The following RTN1 variants were observed in gnomAD, a reference collection of about 807,000 sequenced individuals.
The protein encoded by RTN1 is reticulon 1, also known as reticulon-1.
A neutral mutation model predicts 65.5 loss-of-function variants in RTN1; 25 were observed. The ratio of observed to expected loss-of-function variants is 0.38; its 90% confidence interval spans 0.28 to 0.53. The LOEUF (loss-of-function observed/expected upper bound fraction) is 0.53, where lower values mean the gene tolerates loss of function less well. Among genes scored for constraint, RTN1 ranks in the 20% least tolerant of loss-of-function variants. The probability of loss-of-function intolerance (pLI) is 0.79; values close to 1 mark genes in which losing one functional copy is unlikely to be tolerated. For synonymous variants in RTN1, 471 were observed against 447.6 expected, an observed-to-expected ratio of 1.05 and a Z score of -0.66; for missense variants, 983 against 1,025.4, an observed-to-expected ratio of 0.96 and a Z score of 0.57.
chr14:59,822,100 T>C (rs1026977775), intron 1 of RTN1, among the ~76,000 whole-genome samples: 17 of 152,216 alleles, frequency 1.1e-4, no homozygotes, highest in African/African-American at 2.2e-4. Context: ...AACTCTTCTT[T>C]GTATGTCTGG....
chr14:59,666,894 G>T (rs1883387641), intron 3 of RTN1, among the ~76,000 whole-genome samples: 1 of 125,746 alleles, frequency 8.0e-6, no homozygotes, highest in East Asian at 2.6e-4. Flanking sequence ...AAACCAGGAA[G>T]AACTTGAATC....
chr14:59,651,910 CA>C (rs1472080149), intron 3 of RTN1, among the ~76,000 whole-genome samples: 1 of 152,098 alleles, frequency 6.6e-6, no homozygotes, highest in Non-Finnish European at 1.5e-5. Flanking sequence ...AGACAACCTA[CA>C]GAATTGGAGA....
chr14:59,811,036 T>A (rs1886719464), intron 1 of RTN1, among the ~76,000 whole-genome samples: 1 of 152,204 alleles, frequency 6.6e-6, no homozygotes, highest in South Asian at 2.1e-4. Context: ...TAAGTCTTAT[T>A]GAAAATAATT....
intron 3 of RTN1, among the ~76,000 whole-genome samples, chr14:59,678,565 T>C (rs1054595052): frequency 6.6e-6 from 1 of 152,216 alleles, no homozygotes; most frequent in Non-Finnish European, 1.5e-5. Flanking sequence ...TGAAAGCTGG[T>C]TGCTTTTTCC....
chr14:59,680,101 C>T (rs1883714131), intron 3 of RTN1, among the ~76,000 whole-genome samples: 1 of 152,108 alleles, frequency 6.6e-6, no homozygotes, highest in African/African-American at 2.4e-5. Context: ...GTACCTGTTG[C>T]CATGGGAGCT....
chr14:59,850,693 G>A lies in RTN1; in HGVS notation c.241+19697C>T, dbSNP rs77876991. ...CATCCATTCTAAACCACTTGAAGGA[G>A]GTTAGTGGTTATTATGCAAATAACA... On this transcript the variant is annotated intron_variant, in intron 1 of 8. Coordinates refer to ENST00000267484, the MANE Select transcript of RTN1 (RefSeq NM_021136.3). 0.017 allele frequency among the ~76,000 whole-genome samples: 2,592 copies of A among 152,232 alleles called. 105 individuals are homozygous for A. The East Asian group carries it at 0.18, about 11-fold the overall frequency.
intron 3 of RTN1, among the ~76,000 whole-genome samples, chr14:59,697,224 A>T (rs1248494938): frequency 6.6e-6 from 1 of 152,126 alleles, no homozygotes; most frequent in Non-Finnish European, 1.5e-5. Flanking sequence ...TGCATCATTC[A>T]CTTCTCCCAG....
At chr14:59,750,107 AT>A (rs1885422240) in intron 1 of RTN1, among the ~76,000 whole-genome samples, 1 of 57,606 alleles carries the variant, frequency 1.7e-5, no homozygotes, top group Non-Finnish European at 2.6e-5. Context: ...TATATTATAT[AT>A]TATATATAAT....
At chr14:59,847,397 A>G (rs916648546) in intron 1 of RTN1, among the ~76,000 whole-genome samples, 3 of 152,208 alleles carry the variant, frequency 2.0e-5, no homozygotes, top group Non-Finnish European at 4.4e-5. Flanking sequence ...ATGATTAACC[A>G]ATGTTTCCAT....
chr14:59,685,321 A>G (rs1021049126), intron 3 of RTN1, among the ~76,000 whole-genome samples: 4 of 152,200 alleles, frequency 2.6e-5, no homozygotes, highest in Admixed American at 6.5e-5. Flanking sequence ...AGCCAGACCA[A>G]TTAGGAAAAG....
intron 1 of RTN1, among the ~76,000 whole-genome samples, chr14:59,749,228 C>CTATATATATCTA (rs1885315841): frequency 7.8e-5 from 3 of 38,680 alleles, no homozygotes; most frequent in Non-Finnish European, 1.2e-4. Flanking sequence ...ATCTATATAT[C>CTATATATATCTA]TATATATATC....
At chr14:59,662,951 A>G (rs1204515116) in intron 3 of RTN1, among the ~76,000 whole-genome samples, 1 of 152,194 alleles carries the variant, frequency 6.6e-6, no homozygotes, top group Non-Finnish European at 1.5e-5. Context: ...AAGAGCCCAT[A>G]TAGCCAAGAC....
At chr14:59,681,279 T>C (rs551792685) in intron 3 of RTN1, among the ~76,000 whole-genome samples, 31 of 152,292 alleles carry the variant, frequency 2.0e-4, no homozygotes, top group Middle Eastern at 3.4e-3. Flanking sequence ...ATATTTCCTC[T>C]AACAAAAACA....
At chr14:59,771,102 C>A (rs1015577595) in intron 1 of RTN1, among the ~76,000 whole-genome samples, 12 of 151,972 alleles carry the variant, frequency 7.9e-5, no homozygotes. Flanking sequence ...TCAAAGTCAT[C>A]CCTCATCAAC....
Position 59,733,687 on chromosome 14 carries a change from AG to A in RTN1, c.1016-6020del, listed in dbSNP as rs1047413276. 5.9e-5 allele frequency among the ~76,000 whole-genome samples: 9 copies of A among 152,214 alleles called. No individual in the cohort carries two copies. The South Asian group carries it at 1.5e-3, about 25-fold the overall frequency. ...GGGACCCCAATCCACTCCTCCTTGC[AG>A]GGGGGTCCTCCCAGCTGGGGCCTCT... On this transcript the variant is annotated intron_variant, in intron 2 of 8. Coordinates refer to ENST00000267484, the MANE Select transcript of RTN1 (RefSeq NM_021136.3).
chr14:59,702,802 A>T (rs778244824), intron 3 of RTN1, among the ~76,000 whole-genome samples: 4 of 152,084 alleles, frequency 2.6e-5, no homozygotes, highest in Non-Finnish European at 5.9e-5. Flanking sequence ...CTCTGCTTTC[A>T]CCCCATGGGG....
At chr14:59,696,325 T>A (rs896673159) in intron 3 of RTN1, among the ~76,000 whole-genome samples, 2 of 152,168 alleles carry the variant, frequency 1.3e-5, no homozygotes, top group African/African-American at 4.8e-5. Flanking sequence ...TACCTTGGTG[T>A]CTTCAGATTG....
intron 1 of RTN1, among the ~76,000 whole-genome samples, chr14:59,756,645 T>C (rs969819816): frequency 1.8e-4 from 27 of 152,184 alleles, no homozygotes; most frequent in African/African-American, 6.3e-4. Context: ...TGATAGAATT[T>C]TGCTCTCTGA....
intron 1 of RTN1, among the ~76,000 whole-genome samples, chr14:59,842,033 A>C (rs892172759): frequency 6.6e-6 from 1 of 151,608 alleles, no homozygotes; most frequent in African/African-American, 2.4e-5. Context: ...AGCTGAGGCA[A>C]GAAAATCGCT....
Sources: allele counts gnomAD v4.1 joint callset (sites outside exome capture counted in the v4.1 genomes callset), GRCh38; gene constraint gnomAD v4.1.1; transcripts MANE v1.5; gene names NCBI Gene and HGNC (gene_info 2026-07-23, HGNC 2026-07-21).